ZNF699: variants seen among roughly 807,000 people sequenced by gnomAD.
ZNF699 encodes zinc finger protein 699.
In ZNF699, 18 loss-of-function variants were observed where a neutral mutation model predicts 22.5. The ratio of observed to expected loss-of-function variants is 0.80; its 90% CI spans 0.55 to 1.19. ZNF699 has a LOEUF of 1.19. Among genes scored for constraint, ZNF699 ranks in the 50% most tolerant of loss-of-function variants. The pLI, the probability that ZNF699 is intolerant of heterozygous loss-of-function variation, is 0.00. For missense variants in ZNF699, 670 were observed against 763.4 expected (o/e 0.88, Z 1.44); for synonymous variants, 241 against 262.3 (o/e 0.92, Z 0.78).
rs1244776821 is a variant in ZNF699, at chr19:9,296,522, G to A, written c.882C>T (p.Leu294=). Residue 294 remains leucine, a synonymous_variant, in exon 6 of 6, where the codon CTC becomes CTT. Transcript: ENST00000591998. Reference sequence around the variant, plus strand: ...CACTGTGAATTCTTTTGTGTTCTGTGAGCGATGAGGAACAACTAAAACCTT... The same window carrying A: ...CACTGTGAATTCTTTTGTGTTCTGTAAGCGATGAGGAACAACTAAAACCTT... The part of the protein sequence containing the change: ...CGKGFSCSSS[L]TEHKRIHSGD... 2 of 1,613,672 alleles carry A rather than the reference G, an allele frequency of 1.2e-6. No homozygotes were observed. Among genetic ancestry groups the A allele is most frequent in the Non-Finnish European group, 8.5e-7 (1 of 1,179,926 alleles).
intron 3 of ZNF699, among the ~76,000 whole-genome samples, chr19:9,298,814 C>G (rs1404140604): frequency 2.0e-5 from 3 of 152,148 alleles, no homozygotes; most frequent in African/African-American, 7.2e-5. Context: ...TGAACAACGT[C>G]CCCTCAAAAT....
Position 9,295,920 on chromosome 19 carries a change from C to A in ZNF699, c.1484G>T (p.Arg495Ile), listed in dbSNP as rs1477214967. ...SRSSSLTEHL[R>I]THSGEKPYEC... is the part of the protein sequence containing the mutation. ...ATACGGCTTCTCTCCGCTGTGAGTT[C>A]TTAGGTGTTCGGTGAGGGATGAGGA... Residue 495 changes from arginine to isoleucine, a missense_variant, in exon 6 of 6, where the codon AGA (arginine) becomes ATA (isoleucine). Coordinates refer to ENST00000591998, the MANE Select transcript of ZNF699 (RefSeq NM_198535.3). 1.2e-6 allele frequency: 2 copies of A among 1,614,028 alleles called. No homozygotes were observed. Among genetic ancestry groups the A allele is most frequent in the Non-Finnish European group, 1.7e-6 (2 of 1,180,016 alleles).
intron 3 of ZNF699, among the ~76,000 whole-genome samples, chr19:9,301,206 G>A (rs769529377): frequency 2.0e-5 from 3 of 151,954 alleles, no homozygotes; most frequent in Non-Finnish European, 4.4e-5. Flanking sequence ...TAGAAATAGG[G>A]TCTTTACAGA....
At position 9,291,243 on chromosome 19, in the gene ZNF699, A is replaced by G. The variant is rs1599247663; in HGVS notation, c.*4232T>C. On this transcript the variant is annotated 3_prime_UTR_variant, in exon 6 of 6. Coordinates refer to ENST00000591998, the MANE Select transcript of ZNF699 (RefSeq NM_198535.3). The stretch of plus-strand genomic sequence containing the variant: ...ATCCTCAGGTTATTTTATAAAACCA[A>G]TGCAATTACAGGCATAGTACCAAAA... Among the ~76,000 whole-genome samples, 2 of 152,176 alleles carry G rather than the reference A, an allele frequency of 1.3e-5. No individual in the cohort carries two copies. The highest frequency in any genetic ancestry group is 1.9e-4 in the East Asian group (1 of 5,200).
intron 2 of ZNF699, among the ~76,000 whole-genome samples, chr19:9,303,460 G>A (rs1401343737): frequency 6.6e-6 from 1 of 152,210 alleles, no homozygotes; most frequent in Non-Finnish European, 1.5e-5. Context: ...GAAGTACACA[G>A]ATAAAATAGC....
rs1365950438 is a variant in ZNF699, at chr19:9,291,761, T to C, written c.*3714A>G. 3 of 146,486 alleles carry C rather than the reference T, an allele frequency of 2.0e-5. No homozygotes were observed. Among genetic ancestry groups the C allele is most frequent in the African/African-American group, 7.7e-5 (3 of 38,784 alleles). 9.1% of individuals were successfully genotyped at this position (146,486 alleles called of 1,614,324 possible). A position where few individuals can be genotyped will look rare whatever the true frequency, so the allele number is the denominator to read the frequency against. ...TCTCATTCTGTTGCCCAGGCTGGAG[T>C]GCACTGGCACAATCTTGGCTACCTG... On this transcript the variant is annotated 3_prime_UTR_variant, in exon 6 of 6. Coordinates refer to ENST00000591998, the MANE Select transcript of ZNF699 (RefSeq NM_198535.3).
rs1356163357 is a variant in ZNF699 at position 9,303,534 on chromosome 19, C to T, written c.49-1030G>A. ...GGGTGCAGAGATTCCATGCCCTCTC[C>T]TGGCATGCCACCCTCCGGGAACCAC... On this transcript the variant is annotated intron_variant, in intron 2 of 5. Coordinates refer to ENST00000591998, the MANE Select transcript of ZNF699 (RefSeq NM_198535.3). Among the ~76,000 whole-genome samples, 5 of 152,198 alleles carry T rather than the reference C, an allele frequency of 3.3e-5. No homozygotes were observed. The East Asian group carries it at 9.6e-4, about 29-fold the overall frequency.
chr19:9,308,137 T>TA (rs2066334271), intron 1 of ZNF699, among the ~76,000 whole-genome samples: 1 of 152,204 alleles, frequency 6.6e-6, no homozygotes, highest in African/African-American at 2.4e-5. Context: ...CTCAGCTTTT[T>TA]AAAAAAATTT....
rs1465683449 is a variant in ZNF699, at chr19:9,305,260, A to AACACACACACACACACAC, written c.-5-137_-5-136insGTGTGTGTGTGTGTGTGT. 8.0e-4 allele frequency: 519 copies of AACACACACACACACACAC among 650,890 alleles called. 1 individual carries two copies. The highest frequency in any genetic ancestry group is 5.6e-3 in the African/African-American group (294 of 52,932). 40.3% of individuals were successfully genotyped at this position (650,890 alleles called of 1,614,324 possible). On this transcript the variant is annotated intron_variant, in intron 1 of 5. Coordinates refer to ENST00000591998, the MANE Select transcript of ZNF699 (RefSeq NM_198535.3). Reference sequence around the variant, plus strand: ...AATTATAAGTAACAACTCCCCTCAAAACACATACACACACACACACACACA... The same window carrying AACACACACACACACACAC: ...AATTATAAGTAACAACTCCCCTCAAAACACACACACACACACACACACATACACACACACACACACACA...
At chr19:9,302,641 G>T in intron 2 of ZNF699, 137 bp from the exon 3 acceptor site, 1 of 810,832 alleles carries the variant, frequency 1.2e-6, no homozygotes, top group Non-Finnish European at 1.9e-6. Context: ...CTACTCTAGG[G>T]CTCAGTCAAC....
intron 2 of ZNF699, among the ~76,000 whole-genome samples, chr19:9,302,871 T>TA (rs2066313007): frequency 6.6e-6 from 1 of 151,838 alleles, no homozygotes; most frequent in Admixed American, 6.6e-5. Context: ...AAAATTTTTT[T>TA]AAAAAATAGC....
intron 1 of ZNF699, among the ~76,000 whole-genome samples, chr19:9,305,707 AT>A (rs531599382): frequency 4.4e-4 from 64 of 144,150 alleles, no homozygotes; most frequent in Admixed American, 3.5e-4. Flanking sequence ...GCATCAGCCT[AT>A]TTTTTTTTTT....
Position 9,297,685 on chromosome 19 carries a change from A to G in ZNF699, c.286+195T>C, listed in dbSNP as rs969933341. Among the ~76,000 whole-genome samples the G allele has an allele frequency of 6.6e-5, 10 of 152,228 alleles. No individual in the cohort carries two copies. Among genetic ancestry groups the G allele is most frequent in the South Asian group, 6.2e-4 (3 of 4,832 alleles). On this transcript the variant is annotated intron_variant, in intron 4 of 5. Coordinates refer to ENST00000591998, the MANE Select transcript of ZNF699 (RefSeq NM_198535.3). The surrounding 1 kb of genome is among the most constrained non-coding windows in gnomAD (Gnocchi z 4.3). ...GATAAAATGCACATGACCAAATGCC[A>G]ACTTACAAAGAGGAAACGTGGAAGG... is the stretch of plus-strand genomic sequence containing the variant.
rs950474016 is a variant in ZNF699, at chr19:9,293,566, A to G, written c.*1909T>C. Among the ~76,000 whole-genome samples the G allele has an allele frequency of 7.2e-5, 11 of 152,208 alleles. 1 individual carries two copies. Among genetic ancestry groups the G allele is most frequent in the South Asian group, 4.1e-4 (2 of 4,832 alleles). ...GTATATATTGTATTTTAACATTTGG[A>G]TGAAAATCAAGAACAAGCACACCAA... is the stretch of plus-strand genomic sequence containing the variant. On this transcript the variant is annotated 3_prime_UTR_variant, in exon 6 of 6. Transcript: ENST00000591998.
rs778114351 is a variant in ZNF699 at position 9,296,404 on chromosome 19, G to C, written c.1000C>G (p.Pro334Ala). 1.2e-6 allele frequency: 2 copies of C among 1,613,996 alleles called. No homozygotes were observed. Among genetic ancestry groups the C allele is most frequent in the South Asian group, 2.2e-5 (2 of 91,080 alleles). ...TTCCCACATTCCTTACATTCATATGGCTTATCTCCACTGTGAATTCTTTTG... is the reference window on the plus strand; with the variant it reads ...TTCCCACATTCCTTACATTCATATGCCTTATCTCCACTGTGAATTCTTTTG... ...KHKRIHSGDKPYECKECGKAF... is the reference protein window; with the variant it reads ...KHKRIHSGDKAYECKECGKAF... Residue 334 changes from proline (P) to alanine (A), a missense_variant, in exon 6 of 6, where the codon CCA becomes GCA. Physicochemically the swap from Pro to Ala is conservative, Grantham distance 27. Transcript: ENST00000591998.
chr19:9,305,803 G>A (rs1249153273), intron 1 of ZNF699, among the ~76,000 whole-genome samples: 12 of 151,992 alleles, frequency 7.9e-5, no homozygotes, highest in Non-Finnish European at 1.5e-5. Context: ...CCGGGTTCAT[G>A]CCATTCTCCT....
intron 3 of ZNF699, among the ~76,000 whole-genome samples, chr19:9,300,805 T>C (rs1180695368): frequency 6.6e-6 from 1 of 152,190 alleles, no homozygotes; most frequent in Non-Finnish European, 1.5e-5. Flanking sequence ...GAGGGATGAA[T>C]TGATAGAGCA....
chr19:9,307,307 G>A (rs964947823), intron 1 of ZNF699, among the ~76,000 whole-genome samples: 5 of 152,062 alleles, frequency 3.3e-5, no homozygotes, highest in African/African-American at 7.2e-5. Flanking sequence ...TACCTCCTTC[G>A]TTTCATGTTT....
At chr19:9,300,837 A>C (rs2066304405) in intron 3 of ZNF699, among the ~76,000 whole-genome samples, 1 of 152,234 alleles carries the variant, frequency 6.6e-6, no homozygotes. Flanking sequence ...TACAGCAGTG[A>C]AACTATTCTG....
Sources: gnomAD v4.1 joint callset for allele counts (sites outside exome capture counted in the v4.1 genomes callset) on GRCh38, gnomAD v4.1.1 for gene constraint, Gnocchi (gnomAD v3.1) non-coding constraint, MANE v1.5 for transcripts, NCBI Gene and HGNC (gene_info 2026-07-23, HGNC 2026-07-21) for gene names.